GGACT: variants seen among roughly 807,000 people sequenced by gnomAD.
GGACT encodes gamma-glutamylamine cyclotransferase, also known as gamma-glutamylaminecyclotransferase.
For missense variants in GGACT, 241 were observed against 233.2 expected, an observed-to-expected ratio of 1.03 and a Z score of -0.22; for synonymous variants, 118 against 115.3, an observed-to-expected ratio of 1.02 and a Z score of -0.15.
At chr13:100,586,525 G>A (rs958454518) in intron 1 of GGACT, among the ~76,000 whole-genome samples, 2 of 115,696 alleles carry the variant, frequency 1.7e-5, no homozygotes, top group African/African-American at 3.4e-5. Flanking sequence ...GCCTCAGCAC[G>A]CCAGTTGTTC....
At chr13:100,564,371 A>T (rs1043537324) in intron 2 of GGACT, among the ~76,000 whole-genome samples, 3 of 152,200 alleles carry the variant, frequency 2.0e-5, no homozygotes, top group Admixed American at 6.5e-5. Context: ...CCTAAAAAAG[A>T]CTTACATTCA....
Position 100,532,309 on chromosome 13 carries a change from C to A in GGACT, c.283G>T (p.Val95Leu), listed in dbSNP as rs746251971. The change falls in exon 3 of 3, where the codon GTA becomes TTA. Residue 95 changes from valine to leucine, a missense_variant. Physicochemically the swap from Val to Leu is conservative, Grantham distance 32 (BLOSUM62 1). Transcript: ENST00000683975. ...GGGGCCCGGTCCTCCAGCAGCTGTA[C>A]CCGCAGCACCGTGCGCTGGTACAGG... Reference protein sequence around the residue: ...PALYQRTVLRVQLLEDRAPGA... With the variant: ...PALYQRTVLRLQLLEDRAPGA... The A allele has an allele frequency of 1.9e-6, 3 of 1,545,978 alleles. No individual in the cohort carries two copies. The highest frequency in any genetic ancestry group is 2.7e-5 in the African/African-American group (2 of 72,880).
At chr13:100,549,426 C>A (rs2088637393) in intron 2 of GGACT, among the ~76,000 whole-genome samples, 1 of 152,262 alleles carries the variant, frequency 6.6e-6, no homozygotes, top group East Asian at 1.9e-4. Context: ...TAATCCAGGG[C>A]TCGCTGCTGG....
chr13:100,582,588 T>C (rs539317576), intron 2 of GGACT, among the ~76,000 whole-genome samples: 3 of 152,276 alleles, frequency 2.0e-5, no homozygotes, highest in African/African-American at 7.2e-5. Flanking sequence ...ATCAGACAGA[T>C]GTGACGACAA....
At position 100,532,286 on chromosome 13, in the gene GGACT, G is replaced by T; in HGVS notation, c.306C>A (p.Ala102=). 6.5e-7 allele frequency: 1 copy of T among 1,539,288 alleles called. No individual in the cohort carries two copies. Among genetic ancestry groups the T allele is most frequent in the African/African-American group, 1.4e-5 (1 of 72,850 alleles). The change falls in exon 3 of 3, where the codon GCC becomes GCA. Residue 102 remains alanine, a synonymous_variant. Coordinates refer to ENST00000683975, the MANE Select transcript of GGACT (RefSeq NM_001195087.2). ...VLRVQLLEDR[A]PGAEEPPAPT... is the part of the protein sequence containing the mutation. ...GCGCTGGCGGCTCCTCTGCGCCCGGGGCCCGGTCCTCCAGCAGCTGTACCC... is the reference window on the plus strand; with the variant it reads ...GCGCTGGCGGCTCCTCTGCGCCCGGTGCCCGGTCCTCCAGCAGCTGTACCC...
At chr13:100,546,224 T>C (rs752816696) in intron 2 of GGACT, among the ~76,000 whole-genome samples, 1 of 151,584 alleles carries the variant, frequency 6.6e-6, no homozygotes, top group Non-Finnish European at 1.5e-5. Flanking sequence ...TAGCCGGGCA[T>C]GGTGGCGGGC....
intron 2 of GGACT, among the ~76,000 whole-genome samples, chr13:100,567,181 G>C (rs1303544815): frequency 2.0e-5 from 3 of 152,160 alleles, no homozygotes; most frequent in Non-Finnish European, 4.4e-5. Context: ...TGACTGCCAG[G>C]CTTCTCCACA....
At chr13:100,556,178 A>G (rs1029153153) in intron 2 of GGACT, among the ~76,000 whole-genome samples, 1 of 152,250 alleles carries the variant, frequency 6.6e-6, no homozygotes, top group Non-Finnish European at 1.5e-5. Flanking sequence ...TTCAGAAAGA[A>G]AGAAAACTAT....
intron 1 of GGACT, among the ~76,000 whole-genome samples, chr13:100,586,473 G>A (rs1182334411): frequency 6.6e-6 from 1 of 151,974 alleles, no homozygotes; most frequent in African/African-American, 2.4e-5. Flanking sequence ...TGCTTTCCAG[G>A]CACCCCCACC....
chr13:100,571,124 T>G (rs1260181358), intron 2 of GGACT, among the ~76,000 whole-genome samples: 1 of 151,692 alleles, frequency 6.6e-6, no homozygotes, highest in African/African-American at 2.4e-5. Context: ...TCTCTGCCAA[T>G]CCAAAGGAAA....
intron 2 of GGACT, chr13:100,538,653 G>A (rs549785762): frequency 2.6e-5 from 4 of 152,218 alleles, no homozygotes; most frequent in Admixed American, 6.5e-5. Flanking sequence ...GTAACTTTAT[G>A]ATAAGTTTTG....
At chr13:100,547,211 G>A (rs1371227524) in intron 2 of GGACT, among the ~76,000 whole-genome samples, 1 of 152,186 alleles carries the variant, frequency 6.6e-6, no homozygotes, top group Non-Finnish European at 1.5e-5. Context: ...AGCAGGACGT[G>A]CAGAGTAGCC....
At chr13:100,555,377 T>A (rs956784647) in intron 2 of GGACT, among the ~76,000 whole-genome samples, 2 of 151,492 alleles carry the variant, frequency 1.3e-5, no homozygotes, top group Non-Finnish European at 2.9e-5. Flanking sequence ...ATACAAAAAA[T>A]TAGGTGGGCA....
Position 100,561,763 on chromosome 13 carries a change from G to A in GGACT, c.-11+22062C>T, listed in dbSNP as rs372762237. Reference sequence around the variant, plus strand: ...TGGAGGGGCAGAGGTGCTGCTCAGTGGGGGGCTGGGGCTCACGACCTTGGC... The same window carrying A: ...TGGAGGGGCAGAGGTGCTGCTCAGTAGGGGGCTGGGGCTCACGACCTTGGC... On this transcript the variant is annotated intron_variant, in intron 2 of 2. Coordinates refer to ENST00000683975, the MANE Select transcript of GGACT (RefSeq NM_001195087.2). Among the ~76,000 whole-genome samples the A allele has an allele frequency of 1.5e-3, 226 of 152,322 alleles. 1 individual carries two copies. Among genetic ancestry groups the A allele is most frequent in the African/African-American group, 5.1e-3 (213 of 41,576 alleles).
intron 2 of GGACT, among the ~76,000 whole-genome samples, chr13:100,572,342 G>A (rs1320516029): frequency 6.6e-6 from 1 of 152,204 alleles, no homozygotes; most frequent in Non-Finnish European, 1.5e-5. Flanking sequence ...CATACCTAGA[G>A]TAGTCAAATT....
chr13:100,537,857 G>C (rs1177233601), intron 2 of GGACT: 1 of 152,340 alleles, frequency 6.6e-6, no homozygotes, highest in Non-Finnish European at 1.5e-5. Flanking sequence ...GCACGCAATG[G>C]TCATTGTTTT....
At chr13:100,581,712 G>C (rs1227694118) in intron 2 of GGACT, among the ~76,000 whole-genome samples, 1 of 152,202 alleles carries the variant, frequency 6.6e-6, no homozygotes, top group East Asian at 1.9e-4. Context: ...GAGGGGGAAA[G>C]TGTGACTTTA....
chr13:100,551,933 G>T (rs1408606058), intron 2 of GGACT, among the ~76,000 whole-genome samples: 1 of 152,148 alleles, frequency 6.6e-6, no homozygotes, highest in Non-Finnish European at 1.5e-5. Flanking sequence ...TCCTCCCCTG[G>T]CCTAGCACCC....
intron 2 of GGACT, among the ~76,000 whole-genome samples, chr13:100,561,452 C>A (rs533775111): frequency 6.6e-6 from 1 of 152,160 alleles, no homozygotes; most frequent in South Asian, 2.1e-4. Context: ...AGATGGTAAG[C>A]CCTGCCTCCT....
Sources: gnomAD v4.1 joint callset for allele counts (sites outside exome capture counted in the v4.1 genomes callset) on GRCh38, gnomAD v4.1.1 for gene constraint, MANE v1.5 for transcripts, NCBI Gene and HGNC (gene_info 2026-07-23, HGNC 2026-07-21) for gene names.